The following TRPC4 variants were observed in gnomAD, a reference collection of about 807,000 sequenced individuals.
TRPC4 encodes the protein transient receptor potential cation channel subfamily C member 4, also known as short transient receptor potential channel 4.
TRPC4 carries 49 observed loss-of-function variants against 99.4 expected under a neutral mutation model. That is an observed-to-expected ratio of 0.49 (90% CI 0.39 to 0.63). The LOEUF is 0.63. Ranked by LOEUF, TRPC4 falls within the 20% of genes least tolerant of loss-of-function variation. The pLI, the probability that TRPC4 is intolerant of heterozygous loss-of-function variation, is 0.00. For missense variants in TRPC4, 898 were observed against 1,152.9 expected (o/e 0.78, Z 3.20); for synonymous variants, 454 against 425.9 (o/e 1.07, Z -0.81).
Position 37,651,404 on chromosome 13 carries a change from A to G in TRPC4, c.1940T>C (p.Phe647Ser). The G allele has an allele frequency of 1.9e-6, 3 of 1,614,060 alleles. No individual in the cohort carries two copies. Among genetic ancestry groups the G allele is most frequent in the Non-Finnish European group, 2.5e-6 (3 of 1,179,958 alleles). ...FARTKLWMSY[F>S]EEGGTLPTPF... ...AGTAGGCAGAGTACCTCCTTCTTCA[A>G]AATAACTCATCCAAAGCTTTGTTCG... The change falls in exon 8 of 11, where the codon TTT becomes TCT. Residue 647 changes from phenylalanine (F) to serine (S), a missense_variant. Around this residue, in one of 3 missense-constraint regions of TRPC4, gnomAD observed 274 missense variants for 454.9 expected, o/e 0.60. Transcript: ENST00000379705.
intron 3 of TRPC4, among the ~76,000 whole-genome samples, chr13:37,707,475 T>C (rs1341811920): frequency 6.6e-6 from 1 of 152,194 alleles, no homozygotes; most frequent in Admixed American, 6.6e-5. Flanking sequence ...TCTTTAAATG[T>C]CACAGTCACA....
intron 3 of TRPC4, among the ~76,000 whole-genome samples, chr13:37,708,534 T>C (rs1015768723): frequency 6.6e-6 from 1 of 151,934 alleles, no homozygotes; most frequent in Non-Finnish European, 1.5e-5. Context: ...ATATATATTC[T>C]TGGACATTTC....
At chr13:37,689,652 A>AT (rs1953615596) in intron 4 of TRPC4, among the ~76,000 whole-genome samples, 1 of 152,180 alleles carries the variant, frequency 6.6e-6, no homozygotes, top group Non-Finnish European at 1.5e-5. Context: ...TCTATACCTC[A>AT]TGTAATCATT....
chr13:37,690,639 C>T (rs1953656905), intron 4 of TRPC4, among the ~76,000 whole-genome samples: 1 of 152,166 alleles, frequency 6.6e-6, no homozygotes, highest in Non-Finnish European at 1.5e-5. Context: ...ACATTTTACC[C>T]ACTTTAGATT....
Position 37,635,630 on chromosome 13 carries a change from G to A in TRPC4, c.*1273C>T, listed in dbSNP as rs943103018. Among the ~76,000 whole-genome samples, 5 of 152,086 alleles carry A rather than the reference G, an allele frequency of 3.3e-5. No individual in the cohort carries two copies. The highest frequency in any genetic ancestry group is 7.4e-5 in the Non-Finnish European group (5 of 67,990). On this transcript the variant is annotated 3_prime_UTR_variant, in exon 11 of 11. Coordinates refer to ENST00000379705, the MANE Select transcript of TRPC4 (RefSeq NM_016179.4). ...GATTTGAAATAAATGCTAATTTTAT[G>A]TGGTGAAGAAACTTCCCGTAGTGGC...
At chr13:37,737,169 A>AT (rs1955421803) in intron 3 of TRPC4, among the ~76,000 whole-genome samples, 2 of 151,684 alleles carry the variant, frequency 1.3e-5, no homozygotes, top group South Asian at 2.1e-4. Context: ...GGAATCTTGT[A>AT]TTTTTCTGCA....
Position 37,674,238 on chromosome 13 carries a change from G to A in TRPC4, c.1364C>T (p.Ala455Val). ...YLATISLKIV[A>V]FVKYSALNPR... Reference sequence around the variant, plus strand: ...ATAAATAATAGTTACCTTTACAAATGCAACAATTTTCAAGGAGATTGTTGC... The same window carrying A: ...ATAAATAATAGTTACCTTTACAAATACAACAATTTTCAAGGAGATTGTTGC... Residue 455 changes from alanine (A) to valine (V), a missense_variant, in exon 5 of 11, where the codon GCA becomes GTA. This residue lies in a region of TRPC4 where 274 missense variants were observed against 454.9 expected (regional missense o/e 0.60). Coordinates refer to ENST00000379705, the MANE Select transcript of TRPC4 (RefSeq NM_016179.4). The A allele has an allele frequency of 6.3e-7, 1 of 1,585,168 alleles. No individual in the cohort carries two copies. The highest frequency in any genetic ancestry group is 1.2e-5 in the South Asian group (1 of 81,958).
At chr13:37,779,505 AC>A (rs1956785319) in intron 2 of TRPC4, among the ~76,000 whole-genome samples, 2 of 151,938 alleles carry the variant, frequency 1.3e-5, no homozygotes, top group African/African-American at 4.8e-5. Flanking sequence ...AATGATCTAT[AC>A]CCATCTATTT....
rs535230010 is a variant in TRPC4 at position 37,694,242 on chromosome 13, C to T, written c.898-1907G>A. On this transcript the variant is annotated intron_variant, in intron 3 of 10. Transcript: ENST00000379705. ...TCTTGATAAAAGAGAGTTAAGAAAA[C>T]CTATGGGAAATGCAAGATATAACAA... is the stretch of plus-strand genomic sequence containing the variant. 2.6e-5 allele frequency among the ~76,000 whole-genome samples: 4 copies of T among 152,080 alleles called. No individual in the cohort carries two copies. The South Asian group carries it at 8.3e-4, about 32-fold the overall frequency.
At chr13:37,782,080 T>C (rs541471450) in intron 2 of TRPC4, among the ~76,000 whole-genome samples, 1 of 152,194 alleles carries the variant, frequency 6.6e-6, no homozygotes, top group East Asian at 1.9e-4. Flanking sequence ...ATCTGCAGTG[T>C]CTTTGCAGTT....
At chr13:37,746,622 A>T (rs1955794831) in intron 2 of TRPC4, among the ~76,000 whole-genome samples, 167 bp from the exon 3 acceptor site, 2 of 151,466 alleles carry the variant, frequency 1.3e-5, no homozygotes, top group South Asian at 4.2e-4. Flanking sequence ...AAGACCAGAC[A>T]AAATTGGAAA....
At chr13:37,713,167 G>A (rs976924459) in intron 3 of TRPC4, among the ~76,000 whole-genome samples, 13 of 152,180 alleles carry the variant, frequency 8.5e-5, no homozygotes, top group Non-Finnish European at 1.6e-4. Flanking sequence ...GCTCCTTATA[G>A]ATGTGGTATT....
At chr13:37,862,927 C>A (rs1959479636) in intron 1 of TRPC4, among the ~76,000 whole-genome samples, 1 of 151,052 alleles carries the variant, frequency 6.6e-6, no homozygotes, top group Non-Finnish European at 1.5e-5. Flanking sequence ...GACGGTGGGC[C>A]CATAAGATTA....
Position 37,771,178 on chromosome 13 carries a change from G to T in TRPC4, c.378+11778C>A, listed in dbSNP as rs928593560. Among the ~76,000 whole-genome samples, 3 of 151,802 alleles carry T rather than the reference G, an allele frequency of 2.0e-5. No individual in the cohort carries two copies. The South Asian group carries it at 6.2e-4, about 31-fold the overall frequency. The stretch of plus-strand genomic sequence containing the variant: ...GTTGATTGCTAATTAGATTCCTTGA[G>T]GTCAGGAGCTCATTTGTAAGTATGT... On this transcript the variant is annotated intron_variant, in intron 2 of 10. Coordinates refer to ENST00000379705, the MANE Select transcript of TRPC4 (RefSeq NM_016179.4).
chr13:37,674,345 T>C lies in TRPC4; in HGVS notation c.1257A>G (p.Lys419=). ...CCTGAAGTCCGCCATCCCACATCTG[T>C]TTAATTTCTCCCCATATGAAGCCTG... ...WVLGFIWGEI[K]QMWDGGLQDY... is the part of the protein sequence containing the mutation. The change falls in exon 5 of 11, where the codon AAA becomes AAG. Residue 419 remains lysine (K), a synonymous_variant. Coordinates refer to ENST00000379705, the MANE Select transcript of TRPC4 (RefSeq NM_016179.4). 1 of 1,603,250 alleles carries C rather than the reference T, an allele frequency of 6.2e-7. No homozygotes were observed.
intron 2 of TRPC4, among the ~76,000 whole-genome samples, chr13:37,752,075 C>CTATATATATGTGTA (rs1555266914): frequency 5.4e-5 from 4 of 73,952 alleles, no homozygotes; most frequent in African/African-American, 1.7e-4. Flanking sequence ...AAGCAGAAAA[C>CTATATATATGTGTA]TATATATATA....
rs954933075 is a variant in TRPC4, at chr13:37,820,013, T to C, written c.-27-36653A>G. Among the ~76,000 whole-genome samples the C allele has an allele frequency of 3.3e-5, 5 of 151,842 alleles. No homozygotes were observed. In the Admixed American group the frequency reaches 3.3e-4, roughly 10 times the overall value. Reference sequence around the variant, plus strand: ...AAAGATCAACAAATCCAGGAGTTTGTTTTTTAAAGAAAAAATAAGATTGAT... The same window carrying C: ...AAAGATCAACAAATCCAGGAGTTTGCTTTTTAAAGAAAAAATAAGATTGAT... On this transcript the variant is annotated intron_variant, in intron 1 of 10. Transcript: ENST00000379705.
intron 8 of TRPC4, among the ~76,000 whole-genome samples, chr13:37,640,636 G>C (rs1185975782): frequency 6.6e-6 from 1 of 152,142 alleles, no homozygotes; most frequent in African/African-American, 2.4e-5. Context: ...GCTTGAAAAA[G>C]TATGGCATGG....
intron 3 of TRPC4, among the ~76,000 whole-genome samples, chr13:37,730,127 A>G (rs1032156842): frequency 6.6e-6 from 1 of 152,098 alleles, no homozygotes; most frequent in Non-Finnish European, 1.5e-5. Context: ...CGAAAACATT[A>G]AAGTGAGAAA....
Sources: allele counts gnomAD v4.1 joint callset (sites outside exome capture counted in the v4.1 genomes callset), GRCh38; gene constraint gnomAD v4.1.1; regional missense constraint gnomAD v4.1.1; transcripts MANE v1.5; gene names NCBI Gene and HGNC (gene_info 2026-07-23, HGNC 2026-07-21).